MCC: variants seen among roughly 807,000 people sequenced by gnomAD.
The protein encoded by MCC is MCC regulator of Wnt signaling pathway.
In MCC, 90 loss-of-function variants were observed where a neutral mutation model predicts 116.2. The observed-to-expected ratio is 0.77, with a 90% CI of 0.65 to 0.92. The LOEUF (loss-of-function observed/expected upper bound fraction) is 0.92. Among genes scored for constraint, MCC ranks in the 40% least tolerant of loss-of-function variants. The probability of loss-of-function intolerance (pLI) is 0.00; values close to 1 mark genes in which losing one functional copy is unlikely to be tolerated. For synonymous variants in MCC, 578 were observed against 510.5 expected, an observed-to-expected ratio of 1.13 and a Z score of -1.78; for missense variants, 1,516 against 1,312.2, an observed-to-expected ratio of 1.16 and a Z score of -2.40.
At chr5:113,335,721 G>C (rs1030339597) in intron 3 of MCC, among the ~76,000 whole-genome samples, 4 of 151,662 alleles carry the variant, frequency 2.6e-5, no homozygotes, top group African/African-American at 9.8e-5. Flanking sequence ...AGATTACACT[G>C]AGTTTTGCTG....
In MCC at chr5:113,077,142, C is replaced by G. The variant is rs568906768; in HGVS notation, c.1784+5718G>C. Among the ~76,000 whole-genome samples, 63 of 152,260 alleles carry G rather than the reference C, an allele frequency of 4.1e-4. 3 individuals carry two copies. The highest frequency in any genetic ancestry group is 1.4e-3 in the African/African-American group (58 of 41,544). ...TATATATGCACCCAATACAGGAGCA[C>G]CCAGATTCATAAAGCAAGTCCTTAG... On this transcript the variant is annotated intron_variant, in intron 11 of 18. Transcript: ENST00000408903.
At chr5:113,240,531 G>A (rs1428851876) in intron 3 of MCC, among the ~76,000 whole-genome samples, 2 of 152,180 alleles carry the variant, frequency 1.3e-5, no homozygotes, top group African/African-American at 4.8e-5. Context: ...TCTAGCATAT[G>A]TAGCTTGACT....
intron 8 of MCC, among the ~76,000 whole-genome samples, chr5:113,085,991 C>T (rs1414981745): frequency 1.3e-5 from 2 of 152,240 alleles, no homozygotes; most frequent in Admixed American, 1.3e-4. Flanking sequence ...TGCCAAGCCA[C>T]TGGATAACTA....
intron 1 of MCC, among the ~76,000 whole-genome samples, chr5:113,460,257 G>C (rs1433571375): frequency 6.6e-6 from 1 of 152,116 alleles, no homozygotes; most frequent in Non-Finnish European, 1.5e-5. Context: ...ACAATTTGTG[G>C]ACACAAGAAA....
intron 6 of MCC, among the ~76,000 whole-genome samples, chr5:113,106,092 C>A (rs554536005): frequency 1.0e-3 from 155 of 152,260 alleles, no homozygotes; most frequent in Non-Finnish European, 1.2e-3. Context: ...TCTTGCCTCA[C>A]CCATCCACCT....
In MCC at chr5:113,434,978, A is replaced by G; in HGVS notation, c.171-49766T>C. 1.9e-6 allele frequency: 2 copies of G among 1,026,192 alleles called. No homozygotes were observed. Among genetic ancestry groups the G allele is most frequent in the South Asian group, 1.8e-5 (1 of 56,620 alleles). The allele number at this position is 1,026,192 out of a possible 1,614,324, so 63.6% of individuals were successfully genotyped here. A position where few individuals can be genotyped will look rare whatever the true frequency, so the allele number is the denominator to read the frequency against. ...TGCTGTTCCTGCCTCCTAGAGGCCA[A>G]GACTCTGGAGTGGAACATTTGGCAC... On this transcript the variant is annotated intron_variant, in intron 1 of 18. Transcript: ENST00000408903. The surrounding 1 kb of genome is among the most constrained non-coding windows in gnomAD (Gnocchi z 4.2).
chr5:113,220,360 G>C (rs1348965917), intron 3 of MCC, among the ~76,000 whole-genome samples: 1 of 151,882 alleles, frequency 6.6e-6, no homozygotes, highest in Non-Finnish European at 1.5e-5. Context: ...CGCCCGGCCA[G>C]CATGTCAATT....
chr5:113,192,555 C>T (rs555362897), intron 3 of MCC, among the ~76,000 whole-genome samples: 2 of 152,186 alleles, frequency 1.3e-5, no homozygotes, highest in African/African-American at 4.8e-5. Context: ...GGCTTTGGAT[C>T]GGGTGTGCCA....
intron 17 of MCC, among the ~76,000 whole-genome samples, chr5:113,036,282 C>A (rs996079215): frequency 6.6e-6 from 1 of 152,076 alleles, no homozygotes; most frequent in African/African-American, 2.4e-5. Flanking sequence ...AGGTGATCCA[C>A]CTGCCTTGGC....
rs62364375 is a variant in MCC, at chr5:113,026,178, T to C, written c.*1124A>G. On this transcript the variant is annotated 3_prime_UTR_variant, in exon 19 of 19. Coordinates refer to ENST00000408903, the MANE Select transcript of MCC (RefSeq NM_001085377.2). Reference sequence around the variant, plus strand: ...CCTTTTAAGCACCATATGCTAACCATCACCATGTATCTGGGGGCAAAAAAG... The same window carrying C: ...CCTTTTAAGCACCATATGCTAACCACCACCATGTATCTGGGGGCAAAAAAG... The C allele has an allele frequency of 1.3e-5, 2 of 152,374 alleles. No homozygotes were observed. Among genetic ancestry groups the C allele is most frequent in the South Asian group, 4.1e-4 (2 of 4,830 alleles). The allele number at this position is 152,374 out of a possible 1,614,324, so 9.4% of individuals were successfully genotyped here.
At chr5:113,307,818 T>G (rs913898906) in intron 3 of MCC, among the ~76,000 whole-genome samples, 1 of 152,196 alleles carries the variant, frequency 6.6e-6, no homozygotes, top group African/African-American at 2.4e-5. Flanking sequence ...CAATAAATTT[T>G]TATCCCTGAC....
chr5:113,413,104 CAT>C (rs1174215404), intron 1 of MCC, among the ~76,000 whole-genome samples: 1 of 152,142 alleles, frequency 6.6e-6, no homozygotes, highest in Non-Finnish European at 1.5e-5. Flanking sequence ...ACCAGCCTTG[CAT>C]CCCAGGGATG....
intron 7 of MCC, 144 bp downstream of exon 7, chr5:113,104,047 TA>T (rs1756586027): frequency 2.5e-6 from 2 of 797,744 alleles, no homozygotes; most frequent in African/African-American, 1.7e-5. Flanking sequence ...CCCCCGCTTC[TA>T]CACCGTGGCT....
intron 4 of MCC, among the ~76,000 whole-genome samples, chr5:113,148,555 T>C (rs182843856): frequency 3.9e-4 from 60 of 152,318 alleles, no homozygotes; most frequent in African/African-American, 1.4e-3. Flanking sequence ...TAAAACTTAA[T>C]AGAGCCACAC....
At chr5:113,032,066 G>C (rs1023932696) in intron 17 of MCC, among the ~76,000 whole-genome samples, 3 of 152,184 alleles carry the variant, frequency 2.0e-5, no homozygotes, top group Admixed American at 2.0e-4. Flanking sequence ...TGGTTGATCT[G>C]TTTTCATGAC....
At chr5:113,369,098 C>G (rs1055190361) in intron 2 of MCC, among the ~76,000 whole-genome samples, 1 of 152,052 alleles carries the variant, frequency 6.6e-6, no homozygotes, top group Non-Finnish European at 1.5e-5. Flanking sequence ...TATCCAGAAA[C>G]TCTCTGAATC....
intron 2 of MCC, among the ~76,000 whole-genome samples, chr5:113,371,078 G>A (rs936628769): frequency 3.3e-5 from 5 of 152,054 alleles, no homozygotes; most frequent in Admixed American, 6.6e-5. Context: ...AAAATTAGCC[G>A]GGTGTGGTGG....
In MCC at chr5:113,126,778, T is replaced by G. The variant is rs895014841; in HGVS notation, c.885-3952A>C. On this transcript the variant is annotated intron_variant, in intron 5 of 18. Transcript: ENST00000408903. Reference sequence around the variant, plus strand: ...GTAAGGCTTCAAGTCAACAGTAGACTATTAGTAGTTAAGTTTTTGGTGAGT... The same window carrying G: ...GTAAGGCTTCAAGTCAACAGTAGACGATTAGTAGTTAAGTTTTTGGTGAGT... Among the ~76,000 whole-genome samples the G allele has an allele frequency of 2.6e-5, 4 of 152,332 alleles. No homozygotes were observed. The South Asian group carries it at 6.2e-4, about 24-fold the overall frequency.
chr5:113,126,933 C>T (rs1758086079), intron 5 of MCC, among the ~76,000 whole-genome samples: 1 of 152,078 alleles, frequency 6.6e-6, no homozygotes, highest in Non-Finnish European at 1.5e-5. Context: ...CGCAGGTAAA[C>T]TCGTGTCTTG....
Sources: allele counts gnomAD v4.1 joint callset (sites outside exome capture counted in the v4.1 genomes callset), GRCh38; gene constraint gnomAD v4.1.1; non-coding constraint Gnocchi (gnomAD v3.1); transcripts MANE v1.5; gene names NCBI Gene and HGNC (gene_info 2026-07-23, HGNC 2026-07-21).